Variants in ZNF492 observed in about 807,000 individuals in gnomAD.
The protein encoded by ZNF492 is zinc finger protein 492.
Under a neutral mutation model 6.4 loss-of-function variants are expected in ZNF492, and 3 were observed. The ratio of observed to expected loss-of-function variants is 0.47; its 90% CI spans 0.21 to 1.22. The LOEUF (loss-of-function observed/expected upper bound fraction) is 1.22. Among genes scored for constraint, ZNF492 ranks in the 50% most tolerant of loss-of-function variants. The pLI is 0.22. For missense variants in ZNF492, 356 were observed against 612.5 expected, an observed-to-expected ratio of 0.58 and a Z score of 4.42; for synonymous variants, 112 against 205.3, an observed-to-expected ratio of 0.55 and a Z score of 3.89.
At chr19:22,637,188 A>G (rs1409341549) in intron 1 of ZNF492, among the ~76,000 whole-genome samples, 1 of 151,682 alleles carries the variant, frequency 6.6e-6, no homozygotes, top group Non-Finnish European at 1.5e-5. Context: ...CATGTTGGTC[A>G]GGCTGGTCTC....
Position 22,652,221 on chromosome 19 carries a change from C to CTTTTTTTTTTTT in ZNF492, c.-93-1080_-93-1069dup, listed in dbSNP as rs59051481. On this transcript the variant is annotated intron_variant, in intron 1 of 3. Coordinates refer to ENST00000456783, the MANE Select transcript of ZNF492 (RefSeq NM_020855.3). ...AATCTGGCAGCTGACCTTTCTTAGG[C>CTTTTTTTTTTTT]TTTTTTTTTTTTTTTTTGAGACGGA... is the stretch of plus-strand genomic sequence containing the variant. Among the ~76,000 whole-genome samples, 82 of 105,468 alleles carry CTTTTTTTTTTTT rather than the reference C, an allele frequency of 7.8e-4. 4 individuals carry two copies. Among genetic ancestry groups the CTTTTTTTTTTTT allele is most frequent in the African/African-American group, 1.9e-3 (34 of 17,626 alleles). 69.2% of individuals were successfully genotyped at this position (105,468 alleles called of 152,430 possible). A position where few individuals can be genotyped will look rare whatever the true frequency, so the allele number is the denominator to read the frequency against.
At chr19:22,642,784 G>A (rs1451373654) in intron 1 of ZNF492, among the ~76,000 whole-genome samples, 2 of 151,940 alleles carry the variant, frequency 1.3e-5, no homozygotes, top group Non-Finnish European at 2.9e-5. Context: ...TTAATTTTCA[G>A]TCATTAAAAG....
chr19:22,637,831 TC>T (rs1971783718), intron 1 of ZNF492, among the ~76,000 whole-genome samples: 1 of 152,180 alleles, frequency 6.6e-6, no homozygotes, highest in African/African-American at 2.4e-5. Context: ...TAATTTACAC[TC>T]CCATGGGTAG....
chr19:22,646,946 A>G (rs757967572), intron 1 of ZNF492, among the ~76,000 whole-genome samples: 25 of 152,026 alleles, frequency 1.6e-4, no homozygotes, highest in Non-Finnish European at 2.8e-4. Context: ...GCCCAGTGCA[A>G]TGGTGTAATC....
intron 1 of ZNF492, among the ~76,000 whole-genome samples, chr19:22,647,727 G>GTTTTTTTTATTTTTTTTTTTTTTT (rs1971896986): frequency 1.1e-5 from 1 of 92,576 alleles, no homozygotes; most frequent in Non-Finnish European, 2.1e-5. Flanking sequence ...AGCTCTTTTA[G>GTTTTTTTTATTTTTTTTTTTTTTT]TTTTTTTTTT....
chr19:22,665,349 C>G lies in ZNF492; in HGVS notation c.*84C>G. 6 of 1,499,584 alleles carry G rather than the reference C, an allele frequency of 4.0e-6. No individual in the cohort carries two copies. Among genetic ancestry groups the G allele is most frequent in the Non-Finnish European group, 5.3e-6 (6 of 1,124,988 alleles). 92.9% of individuals were successfully genotyped at this position (1,499,584 alleles called of 1,614,324 possible). On this transcript the variant is annotated 3_prime_UTR_variant, in exon 4 of 4. Coordinates refer to ENST00000456783, the MANE Select transcript of ZNF492 (RefSeq NM_020855.3). ...TAATTCATTCTGGAGAAAACTTCTA[C>G]AAGTGTGAATGAACAGTGTGGCAAA...
At chr19:22,660,952 G>A (rs940359738) in intron 3 of ZNF492, among the ~76,000 whole-genome samples, 4 of 149,460 alleles carry the variant, frequency 2.7e-5, no homozygotes, top group African/African-American at 4.9e-5. Flanking sequence ...TGTGTCACAC[G>A]GTATCTTTCT....
At chr19:22,658,138 A>G (rs1203830332) in intron 3 of ZNF492, among the ~76,000 whole-genome samples, 2 of 152,142 alleles carry the variant, frequency 1.3e-5, no homozygotes, top group Non-Finnish European at 2.9e-5. Context: ...TGTACATTTC[A>G]TGGCCAGTCA....
chr19:22,660,743 T>G (rs989928491), intron 3 of ZNF492, among the ~76,000 whole-genome samples: 7 of 150,190 alleles, frequency 4.7e-5, no homozygotes, highest in Admixed American at 4.0e-4. Flanking sequence ...GATTATGTGT[T>G]TTTTTTTTTA....
chr19:22,659,885 C>T (rs1011751319), intron 3 of ZNF492, among the ~76,000 whole-genome samples: 10 of 152,088 alleles, frequency 6.6e-5, no homozygotes, highest in African/African-American at 2.2e-4. Flanking sequence ...AGGCCAGTCT[C>T]GAACTCTTGA....
chr19:22,647,736 T>TG lies in ZNF492; in HGVS notation c.-93-5571_-93-5570insG, dbSNP rs1971898339. Among the ~76,000 whole-genome samples, 3 of 139,864 alleles carry TG rather than the reference T, an allele frequency of 2.1e-5. No homozygotes were observed. In the South Asian group the frequency reaches 6.8e-4, roughly 32 times the overall value. The allele number at this position is 139,864 out of a possible 152,430, so 91.8% of individuals were successfully genotyped here. ...CTTTCTAGCTCTTTTAGTTTTTTTT[T>TG]TTTTTTTTTTTGAGATGGAGACTCA... On this transcript the variant is annotated intron_variant, in intron 1 of 3. Coordinates refer to ENST00000456783, the MANE Select transcript of ZNF492 (RefSeq NM_020855.3).
chr19:22,642,402 TTTTTTG>T (rs1198691947), intron 1 of ZNF492, among the ~76,000 whole-genome samples: 13 of 107,614 alleles, frequency 1.2e-4, no homozygotes, highest in African/African-American at 6.0e-4. Flanking sequence ...TTTTTTTTTT[TTTTTTG>T]AGATGGAGTC....
chr19:22,658,126 A>T (rs1226741496), intron 3 of ZNF492, among the ~76,000 whole-genome samples: 1 of 152,118 alleles, frequency 6.6e-6, no homozygotes, highest in Non-Finnish European at 1.5e-5. Flanking sequence ...AATCTATTTA[A>T]ATGTACATTT....
chr19:22,654,026 G>C lies in ZNF492; in HGVS notation c.130+11G>C. On this transcript the variant is annotated intron_variant, in intron 3 of 3. Coordinates refer to ENST00000456783, the MANE Select transcript of ZNF492 (RefSeq NM_020855.3). ...TAGCTGAACCCCCAGGTAGGTGAGAGTGAAAGTGAATACAACAGATGACAC... is the reference window on the plus strand; with the variant it reads ...TAGCTGAACCCCCAGGTAGGTGAGACTGAAAGTGAATACAACAGATGACAC... 10 of 1,588,008 alleles carry C rather than the reference G, an allele frequency of 6.3e-6. No individual in the cohort carries two copies. Among genetic ancestry groups the C allele is most frequent in the Non-Finnish European group, 6.0e-6 (7 of 1,171,976 alleles).
intron 1 of ZNF492, among the ~76,000 whole-genome samples, chr19:22,634,837 T>G (rs1413738013): frequency 6.6e-6 from 1 of 152,056 alleles, no homozygotes; most frequent in Non-Finnish European, 1.5e-5. Context: ...GAGCTTTGGT[T>G]TGGTTTATGG....
rs1972083634 is a variant in ZNF492 at position 22,663,801 on chromosome 19, T to C, written c.132T>C (p.Val44=). Residue 44 remains valine (V), a splice_region_variant and synonymous_variant, in exon 4 of 4, where the codon GTT becomes GTC. Coordinates refer to ENST00000456783, the MANE Select transcript of ZNF492 (RefSeq NM_020855.3). ...KRHEMVAEPP[V]VCSYFARDLW... ...ATTTATTATTTTTATTTCTTTCAGT[T>C]GTATGTTCTTATTTTGCCCGAGACC... is the stretch of plus-strand genomic sequence containing the variant. 2.0e-6 allele frequency: 3 copies of C among 1,505,904 alleles called. No homozygotes were observed. Among genetic ancestry groups the C allele is most frequent in the Non-Finnish European group, 2.7e-6 (3 of 1,131,794 alleles). 93.3% of individuals were successfully genotyped at this position (1,505,904 alleles called of 1,614,324 possible).
chr19:22,660,016 C>T (rs1210407829), intron 3 of ZNF492, among the ~76,000 whole-genome samples: 2 of 152,100 alleles, frequency 1.3e-5, no homozygotes. Context: ...GTTTTAACTT[C>T]AAGTACATTT....
rs1011279290 is a variant in ZNF492, at chr19:22,665,773, G to T, written c.*508G>T. ...AAAAACATTTATTCAAAAACTACAG[G>T]TTAGAAAATTCCAGAGAGTTCATAT... On this transcript the variant is annotated 3_prime_UTR_variant, in exon 4 of 4. Transcript: ENST00000456783. 1 of 154,086 alleles carries T rather than the reference G, an allele frequency of 6.5e-6. No individual in the cohort carries two copies. Among genetic ancestry groups the T allele is most frequent in the Non-Finnish European group, 1.4e-5 (1 of 69,308 alleles). 9.5% of individuals were successfully genotyped at this position (154,086 alleles called of 1,614,324 possible). A position where few individuals can be genotyped will look rare whatever the true frequency, so the allele number is the denominator to read the frequency against.
chr19:22,649,240 A>C (rs904816412), intron 1 of ZNF492, among the ~76,000 whole-genome samples: 3 of 152,122 alleles, frequency 2.0e-5, no homozygotes, highest in Admixed American at 1.3e-4. Flanking sequence ...TTTCTTTAAG[A>C]ATGTTGAATA....
Sources: gnomAD v4.1 joint callset for allele counts (sites outside exome capture counted in the v4.1 genomes callset) on GRCh38, gnomAD v4.1.1 for gene constraint, MANE v1.5 for transcripts, NCBI Gene and HGNC (gene_info 2026-07-23, HGNC 2026-07-21) for gene names.